Variants in PES1 observed in about 807,000 individuals in gnomAD.
PES1 encodes pescadillo ribosomal biogenesis factor 1, also known as pescadillo homolog.
Under a neutral mutation model 77.1 loss-of-function variants are expected in PES1, and 31 were observed. That is an observed-to-expected ratio of 0.40 (90% confidence interval 0.30 to 0.54). The LOEUF (loss-of-function observed/expected upper bound fraction) is 0.54, where lower values mean the gene tolerates loss of function less well. PES1 is among the 20% of genes least tolerant of loss of function. The pLI is 0.45. For synonymous variants in PES1, 282 were observed against 303.0 expected, an observed-to-expected ratio of 0.93 and a Z score of 0.72; for missense variants, 658 against 771.7, an observed-to-expected ratio of 0.85 and a Z score of 1.75.
At chr22:30,595,152 G>T (rs12484688), upstream of PES1, among the ~76,000 whole-genome samples, 25,515 of 151,980 alleles carry the variant, frequency 0.17, 2,249 homozygotes, top group African/African-American at 0.19. Context: ...CACCAACAAG[G>T]ACTCTTTAAC....
intron 2 of PES1, chr22:30,603,789 T>C (rs2087395821): frequency 6.6e-6 from 1 of 152,252 alleles, no homozygotes. Flanking sequence ...GCCATCTTCA[T>C]GCATACAATT....
intron 6 of PES1, chr22:30,584,132 TG>T: frequency 1.8e-6 from 1 of 559,072 alleles, no homozygotes; most frequent in Non-Finnish European, 3.2e-6. Context: ...CACAGAGAGG[TG>T]AAAGGAACAC....
intron 2 of PES1, among the ~76,000 whole-genome samples, chr22:30,600,887 AAAAGCTGGAATAGTAGGGGTATGG>A (rs2087344731): frequency 6.6e-6 from 1 of 152,206 alleles, no homozygotes; most frequent in Non-Finnish European, 1.5e-5. Context: ...TTTATGCGAT[AAAAGCTGGAATAGTAGGGGTATGG>A]AAAGCTGGGA....
chr22:30,604,965 C>T (rs868173419), intron 2 of PES1, among the ~76,000 whole-genome samples: 22 of 152,240 alleles, frequency 1.4e-4, no homozygotes, highest in Admixed American at 2.6e-4. Flanking sequence ...AATAGCACTA[C>T]CCCTGACCAG....
intron 12 of PES1, 173 bp downstream of exon 12, chr22:30,579,578 A>T: frequency 2.8e-6 from 2 of 705,106 alleles, no homozygotes; most frequent in Non-Finnish European, 4.7e-6. Context: ...AACGTCAAAT[A>T]ACACCTGACC....
intron 2 of PES1, among the ~76,000 whole-genome samples, chr22:30,602,297 G>C (rs2087368061): frequency 6.6e-6 from 1 of 152,124 alleles, no homozygotes; most frequent in Non-Finnish European, 1.5e-5. Context: ...TTGTGAAGAA[G>C]GTGCTTGCTT....
intron 2 of PES1, among the ~76,000 whole-genome samples, chr22:30,599,144 G>A (rs2087315245): frequency 6.6e-6 from 1 of 151,908 alleles, no homozygotes; most frequent in Admixed American, 6.6e-5. Flanking sequence ...TGATCCACTT[G>A]CCTCAGCATC....
intron 2 of PES1, among the ~76,000 whole-genome samples, chr22:30,604,709 C>G (rs1053930329): frequency 3.9e-5 from 6 of 151,996 alleles, no homozygotes; most frequent in Non-Finnish European, 5.9e-5. Context: ...TTTAGAGGTC[C>G]CTGTTATCCC....
At position 30,602,554 on chromosome 22, in the gene PES1, C is replaced by G. The variant is rs1300668559; in HGVS notation, c.-661+2907G>C. ...TCTTTTATTTTCTTTTCCTTTTTTTCTTTTCTTTTGATAAAGATAGGGGCT... is the reference window on the plus strand; with the variant it reads ...TCTTTTATTTTCTTTTCCTTTTTTTGTTTTCTTTTGATAAAGATAGGGGCT... On this transcript the variant is annotated intron_variant, in intron 2 of 16. Transcript: ENST00000402281. Among the ~76,000 whole-genome samples, 4 of 140,518 alleles carry G rather than the reference C, an allele frequency of 2.8e-5. No homozygotes were observed. In the East Asian group the frequency reaches 6.1e-4, roughly 22 times the overall value. 92.2% of individuals were successfully genotyped at this position (140,518 alleles called of 152,430 possible). A position where few individuals can be genotyped will look rare whatever the true frequency, so the allele number is the denominator to read the frequency against.
At chr22:30,589,056 A>C (rs1264169636) in intron 2 of PES1, 135 bp downstream of exon 2, 1 of 641,188 alleles carries the variant, frequency 1.6e-6, no homozygotes, top group Non-Finnish European at 2.7e-6. Flanking sequence ...CAACTCACTA[A>C]AGCAAGGGCG....
intron 4 of PES1, among the ~76,000 whole-genome samples, chr22:30,586,365 T>G (rs1416244585): frequency 6.6e-6 from 1 of 152,144 alleles, no homozygotes; most frequent in Non-Finnish European, 1.5e-5. Flanking sequence ...GGGCACTTCC[T>G]GTGACAGCCC....
At chr22:30,584,516 G>T (rs5997691) in intron 5 of PES1, 30 bp downstream of exon 5, 70 of 1,608,216 alleles carry the variant, frequency 4.4e-5, no homozygotes, top group Non-Finnish European at 5.8e-5. Context: ...GGGGCAGGGT[G>T]GGATGCCAGC....
Position 30,605,563 on chromosome 22 carries a change from G to C in PES1, c.-717-46C>G, listed in dbSNP as rs115190457. 3.8e-3 allele frequency: 3,366 copies of C among 895,220 alleles called. 69 individuals carry two copies. In the African/African-American group the frequency reaches 0.053, roughly 14 times the overall value. The allele number at this position is 895,220 out of a possible 1,614,324, so 55.5% of individuals were successfully genotyped here. ...AGTTGTTACTGGAAACAGGCAGAGGGTTGGGGGAGCCAAGGCAGTCCCACC... is the reference window on the plus strand; with the variant it reads ...AGTTGTTACTGGAAACAGGCAGAGGCTTGGGGGAGCCAAGGCAGTCCCACC... On this transcript the variant is annotated intron_variant, in intron 1 of 16. Coordinates refer to the PES1 transcript ENST00000402281.
chr22:30,585,314 C>T (rs1217654775), intron 4 of PES1: 1 of 471,548 alleles, frequency 2.1e-6, no homozygotes, highest in Non-Finnish European at 4.4e-6. Context: ...TCGGGGAATC[C>T]TCTGGTAAAT....
At chr22:30,598,885 ATTTTTTTTTTTTTTT>A (rs71200084) in intron 2 of PES1, among the ~76,000 whole-genome samples, 53 of 51,228 alleles carry the variant, frequency 1.0e-3, no homozygotes, top group Middle Eastern at 0.023. Context: ...CTTAAGTAAA[ATTTTTTTTTTTTTTT>A]TTTTTTTTTT....
intron 2 of PES1, among the ~76,000 whole-genome samples, chr22:30,604,894 A>T (rs1217992944): frequency 6.6e-6 from 1 of 152,168 alleles, no homozygotes; most frequent in African/African-American, 2.4e-5. Flanking sequence ...AAAAAATAGA[A>T]ATCCTGATCT....
At chr22:30,596,871 G>C (rs770654106), upstream of PES1, among the ~76,000 whole-genome samples, 1 of 152,212 alleles carries the variant, frequency 6.6e-6, no homozygotes, top group East Asian at 1.9e-4. Flanking sequence ...GGAGAGGCAC[G>C]GGCAGGAACC....
chr22:30,601,566 A>G (rs1447976555), intron 2 of PES1, among the ~76,000 whole-genome samples: 32 of 152,138 alleles, frequency 2.1e-4, no homozygotes, highest in Non-Finnish European at 1.0e-4. Context: ...TGCCTGCCTC[A>G]GCCTCCCAAA....
chr22:30,594,650 C>T (rs1483177941), upstream of PES1, among the ~76,000 whole-genome samples: 2 of 149,324 alleles, frequency 1.3e-5, no homozygotes, highest in Non-Finnish European at 3.0e-5. Context: ...CTTGTCTCTA[C>T]TAAACTGTGC....
Sources: allele counts gnomAD v4.1 joint callset (sites outside exome capture counted in the v4.1 genomes callset), GRCh38; gene constraint gnomAD v4.1.1; transcripts MANE v1.5; gene names NCBI Gene and HGNC (gene_info 2026-07-23, HGNC 2026-07-21).